KLF12: variants seen among roughly 807,000 people sequenced by gnomAD.
The protein encoded by KLF12 is Krueppel-like factor 12.
Under a neutral mutation model 37.8 loss-of-function variants are expected in KLF12, and 9 were observed. The ratio of observed to expected loss-of-function variants is 0.24; its 90% CI spans 0.14 to 0.42. The LOEUF (loss-of-function observed/expected upper bound fraction) is 0.42, where lower values mean the gene tolerates loss of function less well. Among genes scored for constraint, KLF12 ranks in the 10% least tolerant of loss-of-function variants. KLF12 has a pLI of 1.00. For missense variants in KLF12, 411 were observed against 516.0 expected (o/e 0.80, Z 1.97); for synonymous variants, 208 against 202.1 (o/e 1.03, Z -0.25).
At chr13:74,158,090 G>A in the KLF12 span, among the ~76,000 whole-genome samples, 1 of 152,206 alleles carries the variant, frequency 6.6e-6, no homozygotes. Flanking sequence ...TAAGTGGGGT[G>A]TAGACAGGGC....
chr13:74,154,268 C>T, the KLF12 span, among the ~76,000 whole-genome samples: 1 of 151,960 alleles, frequency 6.6e-6, no homozygotes, highest in East Asian at 1.9e-4. Context: ...TAAGTAGGGC[C>T]TTGAAAAAGG....
chr13:74,118,564 C>G (rs948680347), intron 1 of KLF12, among the ~76,000 whole-genome samples: 1 of 152,138 alleles, frequency 6.6e-6, no homozygotes, highest in East Asian at 1.9e-4. Context: ...GAATGAAGGA[C>G]AAAGTGGCTG....
At chr13:73,781,237 G>T (rs1880946546) in intron 5 of KLF12, among the ~76,000 whole-genome samples, 1 of 152,196 alleles carries the variant, frequency 6.6e-6, no homozygotes, top group Non-Finnish European at 1.5e-5. Flanking sequence ...CAATGTTATT[G>T]CACACTTCCT....
chr13:74,178,323 TTTTG>T, the KLF12 span, among the ~76,000 whole-genome samples: 678 of 152,120 alleles, frequency 4.5e-3, 5 homozygotes, highest in African/African-American at 0.015. Flanking sequence ...AAAACAAGGT[TTTTG>T]TTTGTTTGTT....
At chr13:73,902,775 G>A (rs1244638689) in intron 3 of KLF12, among the ~76,000 whole-genome samples, 1 of 152,110 alleles carries the variant, frequency 6.6e-6, no homozygotes, top group Non-Finnish European at 1.5e-5. Flanking sequence ...TTTCAATGAG[G>A]TAACTCACTG....
chr13:74,045,136 A>C (rs1159421886), intron 1 of KLF12, among the ~76,000 whole-genome samples: 1 of 152,218 alleles, frequency 6.6e-6, no homozygotes, highest in Non-Finnish European at 1.5e-5. Context: ...CTTCCTTCCA[A>C]GAGAACAGTA....
intron 3 of KLF12, among the ~76,000 whole-genome samples, chr13:73,876,292 G>C (rs1407078550): frequency 1.3e-5 from 2 of 152,106 alleles, no homozygotes; most frequent in East Asian, 1.9e-4. Flanking sequence ...TCGGCTTTTA[G>C]CTGGGACTGT....
At chr13:73,904,922 T>TTAAC (rs1015559339) in intron 3 of KLF12, among the ~76,000 whole-genome samples, 2 of 151,082 alleles carry the variant, frequency 1.3e-5, no homozygotes, top group Non-Finnish European at 2.9e-5. Flanking sequence ...ATCCTGTGCT[T>TTAAC]TAACAGTCAG....
chr13:74,215,174 C>T, the KLF12 span, among the ~76,000 whole-genome samples: 1 of 152,056 alleles, frequency 6.6e-6, no homozygotes, highest in South Asian at 2.1e-4. Flanking sequence ...CATATTTTAT[C>T]ATTCGAACCC....
the KLF12 span, among the ~76,000 whole-genome samples, chr13:74,280,935 C>G: frequency 6.6e-6 from 1 of 150,542 alleles, no homozygotes; most frequent in African/African-American, 2.5e-5. Flanking sequence ...ATCAGATAGC[C>G]ACTACTTTTG....
chr13:73,791,261 G>A (rs1881672541), intron 5 of KLF12, among the ~76,000 whole-genome samples: 2 of 152,152 alleles, frequency 1.3e-5, no homozygotes. Context: ...CTATTCATAT[G>A]TAGTGAAAGC....
At chr13:73,800,908 T>C (rs1202800981) in intron 5 of KLF12, 3 of 152,144 alleles carry the variant, frequency 2.0e-5, no homozygotes, top group Non-Finnish European at 2.9e-5. Flanking sequence ...AGGAATATTC[T>C]GAAAATATGT....
At chr13:74,276,163 G>A in the KLF12 span, among the ~76,000 whole-genome samples, 1 of 151,724 alleles carries the variant, frequency 6.6e-6, no homozygotes, top group South Asian at 2.1e-4. Context: ...AGTGTGTGAT[G>A]TTCCCCTCCC....
intron 4 of KLF12, among the ~76,000 whole-genome samples, chr13:73,830,131 T>C (rs1194419701): frequency 1.3e-5 from 2 of 152,224 alleles, no homozygotes; most frequent in African/African-American, 4.8e-5. Flanking sequence ...TTGGAGGTTA[T>C]ACTATCTTGA....
intron 1 of KLF12, among the ~76,000 whole-genome samples, chr13:74,021,276 TC>T (rs1308686165): frequency 1.3e-5 from 2 of 152,102 alleles, no homozygotes; most frequent in African/African-American, 4.8e-5. Context: ...ATAGCATTAC[TC>T]CCACTTTTCT....
the KLF12 span, among the ~76,000 whole-genome samples, chr13:74,184,008 G>A: frequency 8.5e-5 from 13 of 152,214 alleles, no homozygotes; most frequent in Admixed American, 5.2e-4. Flanking sequence ...TATAAATACC[G>A]TCCTTGCTGT....
intron 2 of KLF12, among the ~76,000 whole-genome samples, chr13:73,978,750 G>A (rs1891611439): frequency 6.6e-6 from 1 of 152,104 alleles, no homozygotes; most frequent in African/African-American, 2.4e-5. Context: ...ACTTACAGTT[G>A]CCAAAAGTAG....
intron 3 of KLF12, among the ~76,000 whole-genome samples, chr13:73,851,884 A>G (rs557378207): frequency 6.6e-6 from 1 of 152,310 alleles, no homozygotes; most frequent in Admixed American, 6.5e-5. Context: ...TTAGGTGAAG[A>G]GCCAAATTCC....
chr13:73,686,727 T>C lies in KLF12; in HGVS notation c.*8763A>G, dbSNP rs1221718071. Reference sequence around the variant, plus strand: ...AGAGTGTTTTGTAAAATTACATCCATAAAGCAAATCAGATGCAGCCCATCT... The same window carrying C: ...AGAGTGTTTTGTAAAATTACATCCACAAAGCAAATCAGATGCAGCCCATCT... On this transcript the variant is annotated 3_prime_UTR_variant, in exon 8 of 8. Transcript: ENST00000377669. 3.3e-5 allele frequency: 5 copies of C among 152,182 alleles called. No homozygotes were observed. The highest frequency in any genetic ancestry group is 7.2e-5 in the African/African-American group (3 of 41,448). The allele number at this position is 152,182 out of a possible 1,614,324, so 9.4% of individuals were successfully genotyped here.
Sources: gnomAD v4.1 joint callset for allele counts (sites outside exome capture counted in the v4.1 genomes callset) on GRCh38, gnomAD v4.1.1 for gene constraint, MANE v1.5 for transcripts, NCBI Gene and HGNC (gene_info 2026-07-23, HGNC 2026-07-21) for gene names.